Variants in SMAP1 observed in about 807,000 individuals in gnomAD.
SMAP1 encodes the protein stromal membrane-associated protein 1.
A neutral mutation model predicts 58.5 loss-of-function variants in SMAP1; 24 were observed. That is an observed-to-expected ratio of 0.41 (90% confidence interval 0.30 to 0.58). The LOEUF (loss-of-function observed/expected upper bound fraction) is 0.58. SMAP1 is among the 20% of genes least tolerant of loss of function. The pLI is 0.29. For synonymous variants in SMAP1, 216 were observed against 196.6 expected (o/e 1.10, Z -0.82); for missense variants, 563 against 566.3 (o/e 0.99, Z 0.06).
At chr6:70,790,107 A>G (rs116555465) in intron 4 of SMAP1, among the ~76,000 whole-genome samples, 2,147 of 152,290 alleles carry the variant, frequency 0.014, 60 homozygotes, top group African/African-American at 0.049. Flanking sequence ...TGATACAGCT[A>G]TCTTCTAAAG....
chr6:70,699,501 C>T (rs989177802), intron 1 of SMAP1, among the ~76,000 whole-genome samples: 2 of 152,162 alleles, frequency 1.3e-5, no homozygotes, highest in Non-Finnish European at 1.5e-5. Flanking sequence ...GCGAGCTCTC[C>T]ACTGGCCCAA....
chr6:70,755,014 T>C lies in SMAP1; in HGVS notation c.287T>C (p.Leu96Pro). Residue 96 changes from leucine to proline, a missense_variant, in exon 3 of 11, where the codon CTA becomes CCA. Coordinates refer to ENST00000370455, the MANE Select transcript of SMAP1 (RefSeq NM_001044305.3). ...MQDMGNTKAR[L>P]LYEANLPENF... is the part of the protein sequence containing the mutation. Reference sequence around the variant, plus strand: ...GATATGGGAAATACTAAAGCAAGACTACTCTATGAAGCCAATCTTCCAGAG... The same window carrying C: ...GATATGGGAAATACTAAAGCAAGACCACTCTATGAAGCCAATCTTCCAGAG... 1 of 1,610,610 alleles carries C rather than the reference T, an allele frequency of 6.2e-7. No individual in the cohort carries two copies. The highest frequency in any genetic ancestry group is 1.3e-5 in the African/African-American group (1 of 74,930).
intron 7 of SMAP1, among the ~76,000 whole-genome samples, chr6:70,843,986 G>A (rs1161258173): frequency 6.6e-6 from 1 of 152,046 alleles, no homozygotes; most frequent in Non-Finnish European, 1.5e-5. Context: ...ACTCCTGCTG[G>A]GTTATTCCTT....
chr6:70,677,174 T>C (rs1766513826), intron 1 of SMAP1, among the ~76,000 whole-genome samples: 2 of 149,290 alleles, frequency 1.3e-5, no homozygotes, highest in African/African-American at 4.9e-5. Context: ...TTCATATATA[T>C]ATATAATTTT....
At chr6:70,689,885 T>C (rs1767087106) in intron 1 of SMAP1, among the ~76,000 whole-genome samples, 1 of 152,332 alleles carries the variant, frequency 6.6e-6, no homozygotes, top group Admixed American at 6.5e-5. Context: ...AGAAATACCG[T>C]AGGTTGCTGC....
intron 3 of SMAP1, among the ~76,000 whole-genome samples, chr6:70,772,057 T>G (rs1248420026): frequency 6.6e-6 from 1 of 152,190 alleles, no homozygotes; most frequent in African/African-American, 2.4e-5. Context: ...TCACTCATAC[T>G]GGGCCATTTA....
At chr6:70,774,221 A>T (rs118170297) in intron 4 of SMAP1, among the ~76,000 whole-genome samples, 11 of 152,318 alleles carry the variant, frequency 7.2e-5, no homozygotes, top group African/African-American at 2.6e-4. Flanking sequence ...TATGTTTCTC[A>T]GAATGTATCC....
chr6:70,787,181 C>G (rs1279471002), intron 4 of SMAP1, among the ~76,000 whole-genome samples: 1 of 152,058 alleles, frequency 6.6e-6, no homozygotes, highest in African/African-American at 2.4e-5. Flanking sequence ...ACAAACCTGA[C>G]AAAAGGAGCA....
At chr6:70,683,221 A>T (rs1766798528) in intron 1 of SMAP1, among the ~76,000 whole-genome samples, 1 of 129,112 alleles carries the variant, frequency 7.7e-6, no homozygotes, top group African/African-American at 3.0e-5. Flanking sequence ...CCCAGGCTGG[A>T]GTGCAGTGGC....
chr6:70,861,675 T>G lies in SMAP1; in HGVS notation c.*1341T>G, dbSNP rs1771735537. On this transcript the variant is annotated 3_prime_UTR_variant, in exon 11 of 11. Transcript: ENST00000370455. ...TTGCTGCTTCAATTTATACCTCAAT[T>G]TTCACTGTGTCCAGGTGGTACTTTG... 3 of 1,613,516 alleles carry G rather than the reference T, an allele frequency of 1.9e-6. No homozygotes were observed. In the African/African-American group the frequency reaches 4.0e-5, roughly 22 times the overall value.
intron 1 of SMAP1, among the ~76,000 whole-genome samples, chr6:70,731,354 A>T (rs1447192660): frequency 6.6e-6 from 1 of 152,216 alleles, no homozygotes; most frequent in Non-Finnish European, 1.5e-5. Flanking sequence ...TTGTATTCAT[A>T]TGTGAGTTTT....
At position 70,676,573 on chromosome 6, in the gene SMAP1, T is replaced by G. The variant is rs998417325; in HGVS notation, c.118+8432T>G. On this transcript the variant is annotated intron_variant, in intron 1 of 10. Coordinates refer to ENST00000370455, the MANE Select transcript of SMAP1 (RefSeq NM_001044305.3). ...AAACACCTGTTTTTGTTGTAGAAATTTGTGATGTAAGAGATTGTTGTTGGG... is the reference window on the plus strand; with the variant it reads ...AAACACCTGTTTTTGTTGTAGAAATGTGTGATGTAAGAGATTGTTGTTGGG... Among the ~76,000 whole-genome samples, 5 of 152,278 alleles carry G rather than the reference T, an allele frequency of 3.3e-5. No individual in the cohort carries two copies. The South Asian group carries it at 1.0e-3, about 32-fold the overall frequency.
At chr6:70,754,533 C>T (rs1355875703) in intron 2 of SMAP1, among the ~76,000 whole-genome samples, 2 of 152,052 alleles carry the variant, frequency 1.3e-5, no homozygotes, top group Non-Finnish European at 2.9e-5. Context: ...TCTCTCTTAT[C>T]TGGCCTTCAT....
At chr6:70,701,074 G>A (rs1373854593) in intron 1 of SMAP1, among the ~76,000 whole-genome samples, 1 of 152,124 alleles carries the variant, frequency 6.6e-6, no homozygotes, top group African/African-American at 2.4e-5. Context: ...GTCTCTCCTA[G>A]AGCTGTGAGC....
chr6:70,859,780 ATATT>A (rs1771623296), intron 10 of SMAP1: 1 of 174,516 alleles, frequency 5.7e-6, no homozygotes, highest in African/African-American at 2.4e-5. Context: ...CACTTTAAAA[ATATT>A]TAGGAAGTAT....
At chr6:70,726,615 T>C (rs527686463) in intron 1 of SMAP1, among the ~76,000 whole-genome samples, 1 of 152,186 alleles carries the variant, frequency 6.6e-6, no homozygotes. Context: ...AATCAGAAAC[T>C]GAAGAGAAAT....
At chr6:70,670,042 C>A (rs985686335) in intron 1 of SMAP1, among the ~76,000 whole-genome samples, 1 of 151,676 alleles carries the variant, frequency 6.6e-6, no homozygotes, top group African/African-American at 2.4e-5. Context: ...TTCTTTGGAC[C>A]TGAAGAATAG....
chr6:70,776,475 T>G (rs1385651668), intron 4 of SMAP1, among the ~76,000 whole-genome samples: 1 of 152,130 alleles, frequency 6.6e-6, no homozygotes, highest in East Asian at 1.9e-4. Flanking sequence ...CACCACACCC[T>G]GCTGACATTT....
At chr6:70,791,901 T>A in intron 5 of SMAP1, 132 bp downstream of exon 5, 1 of 672,774 alleles carries the variant, frequency 1.5e-6, no homozygotes, top group Non-Finnish European at 2.3e-6. Flanking sequence ...AAAACAGCAA[T>A]TTCTAGAATT....
Sources: gnomAD v4.1 joint callset for allele counts (sites outside exome capture counted in the v4.1 genomes callset) on GRCh38, gnomAD v4.1.1 for gene constraint, MANE v1.5 for transcripts, NCBI Gene and HGNC (gene_info 2026-07-23, HGNC 2026-07-21) for gene names.